The following UNC5B variants were observed in gnomAD, a reference collection of about 807,000 sequenced individuals.
The protein encoded by UNC5B is unc-5 netrin receptor B, also known as netrin receptor UNC5B.
Under a neutral mutation model 103.7 loss-of-function variants are expected in UNC5B, and 56 were observed. The observed-to-expected ratio is 0.54, with a 90% CI of 0.44 to 0.67. The LOEUF is 0.67. Among genes scored for constraint, UNC5B ranks in the 30% least tolerant of loss-of-function variants. UNC5B has a pLI of 0.00. For missense variants in UNC5B, 1,194 were observed against 1,284.5 expected (o/e 0.93, Z 1.08); for synonymous variants, 577 against 542.0 (o/e 1.06, Z -0.90).
chr10:71,253,441 C>T (rs1409100914), intron 1 of UNC5B, among the ~76,000 whole-genome samples: 1 of 152,238 alleles, frequency 6.6e-6, no homozygotes, highest in African/African-American at 2.4e-5. Flanking sequence ...CCACCTTCTC[C>T]TCGTCCATTG....
chr10:71,266,649 G>A lies in UNC5B; in HGVS notation c.80-13172G>A, dbSNP rs141606190. 1.4e-3 allele frequency among the ~76,000 whole-genome samples: 213 copies of A among 152,326 alleles called. 2 individuals are homozygous for A. Among genetic ancestry groups the A allele is most frequent in the African/African-American group, 4.8e-3 (200 of 41,576 alleles). ...CAGAGTGGGCCAAGGCAGCAGCTGG[G>A]AGGCTGGGGCAGGGGTGGAGGTGAG... On this transcript the variant is annotated intron_variant, in intron 1 of 16. Coordinates refer to ENST00000335350, the MANE Select transcript of UNC5B (RefSeq NM_170744.5).
At chr10:71,264,495 C>T (rs775960600) in intron 1 of UNC5B, among the ~76,000 whole-genome samples, 16 of 152,160 alleles carry the variant, frequency 1.1e-4, no homozygotes, top group Non-Finnish European at 1.9e-4. Flanking sequence ...GTCCTGATTC[C>T]GGCTCAGATA....
chr10:71,250,672 C>G (rs1407026363), intron 1 of UNC5B, among the ~76,000 whole-genome samples: 1 of 152,182 alleles, frequency 6.6e-6, no homozygotes, highest in Admixed American at 6.5e-5. Context: ...GGTGGTGGCT[C>G]TCAGGCTGGG....
At position 71,287,589 on chromosome 10, in the gene UNC5B, G is replaced by A. The variant is rs373629854; in HGVS notation, c.734-9G>A. The A allele has an allele frequency of 2.2e-5, 35 of 1,590,432 alleles. No individual in the cohort carries two copies. Among genetic ancestry groups the A allele is most frequent in the East Asian group, 9.1e-5 (4 of 44,082 alleles). On this transcript the variant is annotated splice_polypyrimidine_tract_variant and intron_variant, in intron 5 of 16. Transcript: ENST00000335350. The stretch of plus-strand genomic sequence containing the variant: ...CCAAGCCATCCAGTTGACAGCTGCC[G>A]CCTTGCAGTGAATGGCGGCTGGTCC...
chr10:71,277,132 A>G (rs1333690065), intron 1 of UNC5B, among the ~76,000 whole-genome samples: 1 of 152,246 alleles, frequency 6.6e-6, no homozygotes, highest in Non-Finnish European at 1.5e-5. Flanking sequence ...AATGGTCTGC[A>G]TTAGAGTTAT....
intron 6 of UNC5B, among the ~76,000 whole-genome samples, chr10:71,288,086 C>T (rs1407041895): frequency 3.9e-5 from 6 of 152,172 alleles, no homozygotes; most frequent in South Asian, 4.1e-4. Context: ...CAGAGCTCCC[C>T]GGCCTCAGGG....
At chr10:71,237,922 G>C (rs1166825213) in intron 1 of UNC5B, among the ~76,000 whole-genome samples, 1 of 152,208 alleles carries the variant, frequency 6.6e-6, no homozygotes, top group Non-Finnish European at 1.5e-5. Flanking sequence ...GGGAAGATGA[G>C]GAAGGTGGGG....
intron 5 of UNC5B, among the ~76,000 whole-genome samples, 157 bp downstream of exon 5, chr10:71,287,026 TG>T (rs1366878356): frequency 6.6e-6 from 1 of 152,186 alleles, no homozygotes; most frequent in Admixed American, 6.5e-5. Flanking sequence ...ATGGCCAAGT[TG>T]GGCATTCCTG....
At position 71,285,503 on chromosome 10, in the gene UNC5B, T is replaced by C. The variant is rs2132304151; in HGVS notation, c.552+74T>C. The C allele has an allele frequency of 2.3e-6, 3 of 1,317,412 alleles. No homozygotes were observed. In the South Asian group the frequency reaches 4.3e-5, roughly 19 times the overall value. The allele number at this position is 1,317,412 out of a possible 1,614,324, so 81.6% of individuals were successfully genotyped here. ...GCAGAAGCCAGGCAGGCATGGTATTTACCACCAGCCATGGTGCTAGTCTCC... is the reference window on the plus strand; with the variant it reads ...GCAGAAGCCAGGCAGGCATGGTATTCACCACCAGCCATGGTGCTAGTCTCC... On this transcript the variant is annotated intron_variant, in intron 4 of 16. Transcript: ENST00000335350.
At chr10:71,243,703 C>G (rs1843960003) in intron 1 of UNC5B, among the ~76,000 whole-genome samples, 1 of 152,180 alleles carries the variant, frequency 6.6e-6, no homozygotes, top group Non-Finnish European at 1.5e-5. Context: ...GTTGGAGAGA[C>G]TAGACAGTCC....
chr10:71,286,794 A>G lies in UNC5B; in HGVS notation c.658A>G (p.Thr220Ala), dbSNP rs1292426406. 6.2e-7 allele frequency: 1 copy of G among 1,614,180 alleles called. No homozygotes were observed. The highest frequency in any genetic ancestry group is 1.1e-5 in the South Asian group (1 of 91,062). The change falls in exon 5 of 17, where the codon ACT becomes GCT. Residue 220 changes from threonine to alanine, a missense_variant. Coordinates refer to ENST00000335350, the MANE Select transcript of UNC5B (RefSeq NM_170744.5). ...LIIRQARLSD[T>A]ANYTCVAKNI... ...CATCCGCCAGGCCCGCCTGTCGGAC[A>G]CTGCCAACTATACCTGCGTGGCCAA...
At chr10:71,242,175 G>A (rs1843917642) in intron 1 of UNC5B, among the ~76,000 whole-genome samples, 1 of 152,168 alleles carries the variant, frequency 6.6e-6, no homozygotes, top group Non-Finnish European at 1.5e-5. Flanking sequence ...CCCTCCCTGT[G>A]ACTCCCTTCC....
At chr10:71,219,533 G>A (rs749509313) in intron 1 of UNC5B, among the ~76,000 whole-genome samples, 11 of 152,136 alleles carry the variant, frequency 7.2e-5, no homozygotes, top group Non-Finnish European at 1.2e-4. Context: ...ATTAGATTGT[G>A]CCCACCCAGA....
At chr10:71,234,375 C>T (rs1843736356) in intron 1 of UNC5B, among the ~76,000 whole-genome samples, 1 of 152,212 alleles carries the variant, frequency 6.6e-6, no homozygotes, top group Non-Finnish European at 1.5e-5. Context: ...GCTTCTTGGT[C>T]CCAAGGTTTA....
At chr10:71,258,642 T>TTG (rs1453156641) in intron 1 of UNC5B, among the ~76,000 whole-genome samples, 1 of 152,182 alleles carries the variant, frequency 6.6e-6, no homozygotes, top group African/African-American at 2.4e-5. Context: ...GGGAAGGGAC[T>TTG]TGTCCAAGGT....
At chr10:71,256,061 G>A (rs1396788612) in intron 1 of UNC5B, among the ~76,000 whole-genome samples, 1 of 152,182 alleles carries the variant, frequency 6.6e-6, no homozygotes, top group African/African-American at 2.4e-5. Flanking sequence ...ATTGGTATGA[G>A]CACCCATTTT....
intron 12 of UNC5B, 34 bp from the exon 13 acceptor site, chr10:71,293,666 G>A: frequency 1.9e-6 from 3 of 1,601,642 alleles, no homozygotes; most frequent in Non-Finnish European, 1.7e-6. Context: ...CTGAATAACT[G>A]TGACCACTAC....
intron 1 of UNC5B, among the ~76,000 whole-genome samples, chr10:71,257,772 G>A (rs1844325940): frequency 6.6e-6 from 1 of 152,222 alleles, no homozygotes; most frequent in Non-Finnish European, 1.5e-5. Flanking sequence ...AGGGCAAAGA[G>A]GAACCTCTGT....
chr10:71,269,738 A>C (rs1589180515), intron 1 of UNC5B, among the ~76,000 whole-genome samples: 1 of 152,106 alleles, frequency 6.6e-6, no homozygotes, highest in Non-Finnish European at 1.5e-5. Flanking sequence ...AACAGACAGC[A>C]AGCTTACAAA....
Sources: gnomAD v4.1 joint callset for allele counts (sites outside exome capture counted in the v4.1 genomes callset) on GRCh38, gnomAD v4.1.1 for gene constraint, MANE v1.5 for transcripts, NCBI Gene and HGNC (gene_info 2026-07-23, HGNC 2026-07-21) for gene names.